The following PCSK5 variants were observed in gnomAD, a reference collection of about 807,000 sequenced individuals.
PCSK5 encodes the protein proprotein convertase subtilisin/kexin type 5, also known as prohormone convertase 5.
PCSK5 carries 129 observed loss-of-function variants against 233.2 expected under a neutral mutation model. That is an observed-to-expected ratio of 0.55 (90% CI 0.48 to 0.64). PCSK5 has a LOEUF of 0.64. PCSK5 is among the 30% of genes least tolerant of loss of function. The probability of loss-of-function intolerance (pLI) is 0.00; values close to 1 mark genes in which losing one functional copy is unlikely to be tolerated. For missense variants in PCSK5, 2,076 were observed against 2,430.1 expected (o/e 0.85, Z 3.06); for synonymous variants, 825 against 879.2 (o/e 0.94, Z 1.09).
At chr9:76,310,519 A>G (rs139023068) in intron 29 of PCSK5, 137 bp from the exon 30 acceptor site, 2 of 506,874 alleles carry the variant, frequency 3.9e-6, no homozygotes, top group African/African-American at 1.9e-5. Context: ...AGGACTTAGC[A>G]TCACTAGCAA....
chr9:76,079,795 G>A (rs940670064), intron 7 of PCSK5, among the ~76,000 whole-genome samples: 1 of 152,190 alleles, frequency 6.6e-6, no homozygotes, highest in African/African-American at 2.4e-5. Context: ...CTTGTTGGCT[G>A]TGAGTTTGTC....
At chr9:76,332,354 A>G (rs1237280228) in intron 33 of PCSK5, 79 bp from the exon 34 acceptor site, 2 of 1,031,594 alleles carry the variant, frequency 1.9e-6, no homozygotes, top group African/African-American at 3.2e-5. Context: ...CCCTCCCGCC[A>G]TGGTACACAA....
At chr9:75,929,493 G>A (rs1246916283) in intron 1 of PCSK5, among the ~76,000 whole-genome samples, 1 of 152,112 alleles carries the variant, frequency 6.6e-6, no homozygotes, top group Non-Finnish European at 1.5e-5. Context: ...GGGAGTTTTG[G>A]AAGACTTCCT....
chr9:76,168,816 C>CA (rs1162319747), intron 12 of PCSK5, among the ~76,000 whole-genome samples: 1 of 152,148 alleles, frequency 6.6e-6, no homozygotes, highest in Non-Finnish European at 1.5e-5. Context: ...CCATTACTTT[C>CA]AACATATAAA....
intron 12 of PCSK5, among the ~76,000 whole-genome samples, chr9:76,160,876 C>A (rs1170312073): frequency 6.6e-6 from 1 of 151,980 alleles, no homozygotes; most frequent in Non-Finnish European, 1.5e-5. Flanking sequence ...TGGGTTCAAG[C>A]AATTCTCCTG....
intron 7 of PCSK5, among the ~76,000 whole-genome samples, chr9:76,084,456 A>G (rs188196537): frequency 2.1e-4 from 32 of 152,310 alleles, no homozygotes; most frequent in Non-Finnish European, 4.0e-4. Flanking sequence ...TGCAAATCCT[A>G]TTTTAAATCC....
intron 2 of PCSK5, among the ~76,000 whole-genome samples, chr9:75,940,139 G>GGCTT (rs892501855): frequency 1.8e-4 from 27 of 152,134 alleles, no homozygotes; most frequent in African/African-American, 6.5e-4. Flanking sequence ...CAATCAAAGA[G>GGCTT]GCTTCACCAT....
At chr9:76,129,199 G>A (rs776982572) in intron 9 of PCSK5, among the ~76,000 whole-genome samples, 11 of 152,012 alleles carry the variant, frequency 7.2e-5, no homozygotes, top group Non-Finnish European at 1.5e-4. Context: ...TTTAGCATTG[G>A]TACAGTGACA....
At chr9:75,997,637 T>C (rs972177844) in intron 3 of PCSK5, among the ~76,000 whole-genome samples, 7 of 152,192 alleles carry the variant, frequency 4.6e-5, no homozygotes, top group Non-Finnish European at 1.0e-4. Flanking sequence ...ATTTGATTGC[T>C]TAATTGCATA....
intron 3 of PCSK5, among the ~76,000 whole-genome samples, chr9:76,008,019 C>T (rs1377194507): frequency 6.6e-6 from 1 of 152,070 alleles, no homozygotes; most frequent in African/African-American, 2.4e-5. Context: ...TCTATAATTT[C>T]CATCTCTGCT....
intron 5 of PCSK5, 95 bp downstream of exon 5, chr9:76,027,132 A>G (rs1828460130): frequency 1.4e-6 from 1 of 729,282 alleles, no homozygotes; most frequent in Non-Finnish European, 2.3e-6. Flanking sequence ...AATCCTTGAT[A>G]ACATATGATT....
chr9:76,207,077 G>C (rs780575661), intron 20 of PCSK5, among the ~76,000 whole-genome samples: 1 of 152,124 alleles, frequency 6.6e-6, no homozygotes, highest in Non-Finnish European at 1.5e-5. Flanking sequence ...TCTACAGTGA[G>C]AGAGATTAGA....
At chr9:75,998,429 G>A (rs141359167) in intron 3 of PCSK5, among the ~76,000 whole-genome samples, 477 of 152,166 alleles carry the variant, frequency 3.1e-3, no homozygotes, top group African/African-American at 0.011. Flanking sequence ...TAGTGAAAAA[G>A]AACTCACAGA....
chr9:76,227,425 T>C (rs1825929109), intron 20 of PCSK5, 78 bp from the exon 21 acceptor site: 6 of 972,618 alleles, frequency 6.2e-6, no homozygotes, highest in Non-Finnish European at 9.6e-6. Context: ...GCCACAGAGA[T>C]CTGGCTGCTC....
At chr9:76,189,381 T>C (rs915262571) in intron 19 of PCSK5, among the ~76,000 whole-genome samples, 158 bp downstream of exon 19, 9 of 152,242 alleles carry the variant, frequency 5.9e-5, no homozygotes, top group Non-Finnish European at 1.0e-4. Flanking sequence ...CAGCTTATCA[T>C]TGATATTTTT....
chr9:76,328,538 A>T (rs1415302967), intron 33 of PCSK5, among the ~76,000 whole-genome samples: 1 of 150,778 alleles, frequency 6.6e-6, no homozygotes, highest in Admixed American at 6.6e-5. Context: ...TCTTCCTCTC[A>T]CTCTCTCAAT....
At chr9:76,194,329 A>G (rs1393876399) in intron 20 of PCSK5, 1 of 152,228 alleles carries the variant, frequency 6.6e-6, no homozygotes. Flanking sequence ...TGGAGTCAAA[A>G]GTTCCCAAGA....
chr9:76,067,745 T>C (rs1830335496), intron 5 of PCSK5, among the ~76,000 whole-genome samples: 1 of 152,170 alleles, frequency 6.6e-6, no homozygotes, highest in Admixed American at 6.5e-5. Context: ...AAGCAAGATA[T>C]GAAAAATAAA....
At chr9:75,935,572 T>C (rs146301108) in intron 2 of PCSK5, among the ~76,000 whole-genome samples, 2 of 152,320 alleles carry the variant, frequency 1.3e-5, no homozygotes, top group East Asian at 3.9e-4. Context: ...ATCTACAGAC[T>C]TTATCCAAAT....
Sources: gnomAD v4.1 joint callset for allele counts (sites outside exome capture counted in the v4.1 genomes callset) on GRCh38, gnomAD v4.1.1 for gene constraint, MANE v1.5 for transcripts, NCBI Gene and HGNC (gene_info 2026-07-23, HGNC 2026-07-21) for gene names.